The following WDR72 variants were observed in gnomAD, a reference collection of about 807,000 sequenced individuals.
The protein encoded by WDR72 is WD repeat-containing protein 72.
A neutral mutation model predicts 124.2 loss-of-function variants in WDR72; 120 were observed. That is an observed-to-expected ratio of 0.97 (90% CI 0.83 to 1.12). The LOEUF is 1.12. Ranked by LOEUF, WDR72 falls within the 50% of genes most tolerant of loss-of-function variation. WDR72 has a pLI of 0.00. For missense variants in WDR72, 1,387 were observed against 1,278.8 expected (o/e 1.08, Z -1.29); for synonymous variants, 452 against 441.7 (o/e 1.02, Z -0.29).
intron 18 of WDR72, among the ~76,000 whole-genome samples, chr15:53,558,109 C>T (rs1308946752): frequency 6.6e-6 from 1 of 152,004 alleles, no homozygotes; most frequent in Non-Finnish European, 1.5e-5. Flanking sequence ...CAGACATTGA[C>T]TGACACAGCT....
intron 18 of WDR72, among the ~76,000 whole-genome samples, chr15:53,540,430 G>A (rs994033969): frequency 1.2e-4 from 18 of 152,090 alleles, no homozygotes; most frequent in Non-Finnish European, 2.2e-4. Flanking sequence ...AATAAGGCTA[G>A]AAATTAGATC....
At chr15:53,700,046 AGCCCC>A (rs2017124004) in intron 12 of WDR72, 101 bp from the exon 13 acceptor site, 20 of 1,349,598 alleles carry the variant, frequency 1.5e-5, no homozygotes, top group Non-Finnish European at 1.9e-5. Context: ...GTTTTGTTAA[AGCCCC>A]ATTTACAAAA....
intron 16 of WDR72, among the ~76,000 whole-genome samples, chr15:53,613,381 G>T (rs1358821848): frequency 6.6e-6 from 1 of 151,922 alleles, no homozygotes; most frequent in Middle Eastern, 3.4e-3. Flanking sequence ...TTTTATAAAT[G>T]TTCAAATGTT....
intron 14 of WDR72, 74 bp from the exon 15 acceptor site, chr15:53,616,317 G>T: frequency 7.4e-7 from 1 of 1,347,586 alleles, no homozygotes; most frequent in Middle Eastern, 2.2e-4. Context: ...TGTTAAAGTG[G>T]CATTTTTAAA....
At chr15:53,564,027 AG>A (rs1278184593) in intron 18 of WDR72, among the ~76,000 whole-genome samples, 1 of 151,880 alleles carries the variant, frequency 6.6e-6, no homozygotes, top group Non-Finnish European at 1.5e-5. Context: ...GATATTCTTT[AG>A]GATCTTCTGA....
intron 9 of WDR72, among the ~76,000 whole-genome samples, chr15:53,706,391 T>TAC (rs2140534408): frequency 9.1e-6 from 1 of 110,058 alleles, no homozygotes; most frequent in African/African-American, 2.9e-5. Flanking sequence ...TATATATATA[T>TAC]ATATGGCTAT....
intron 2 of WDR72, among the ~76,000 whole-genome samples, chr15:53,723,503 T>C (rs1315490999): frequency 1.3e-5 from 2 of 152,134 alleles, no homozygotes; most frequent in African/African-American, 4.8e-5. Flanking sequence ...CCATGTTCAT[T>C]GTAGCATTAT....
At chr15:53,725,995 C>T (rs2018012954) in intron 2 of WDR72, among the ~76,000 whole-genome samples, 1 of 151,384 alleles carries the variant, frequency 6.6e-6, no homozygotes, top group East Asian at 2.0e-4. Flanking sequence ...TTGCTTGAAT[C>T]TGGGAGGTGG....
chr15:53,575,137 TTAG>T (rs1412018473), intron 18 of WDR72, among the ~76,000 whole-genome samples: 2 of 150,708 alleles, frequency 1.3e-5, no homozygotes, highest in East Asian at 3.9e-4. Flanking sequence ...ATGTAGTAAA[TTAG>T]TAGCTTATTT....
intron 19 of WDR72, among the ~76,000 whole-genome samples, chr15:53,520,111 C>G (rs1481532842): frequency 8.0e-6 from 1 of 125,226 alleles, no homozygotes; most frequent in Non-Finnish European, 1.8e-5. Context: ...AAAATACGTT[C>G]GTATTCACAA....
rs1272052603 is a variant in WDR72 at position 53,515,344 on chromosome 15, T to C, written c.*2355A>G. The stretch of plus-strand genomic sequence containing the variant: ...CAAGTGGTTATGATCACCACGTACG[T>C]GGTCTATCCAGTTAACTGTGTGGCA... On this transcript the variant is annotated 3_prime_UTR_variant, in exon 20 of 20. Transcript: ENST00000360509. 6.6e-6 allele frequency: 1 copy of C among 152,050 alleles called. No individual in the cohort carries two copies. The highest frequency in any genetic ancestry group is 2.4e-5 in the African/African-American group (1 of 41,428). 9.4% of individuals were successfully genotyped at this position (152,050 alleles called of 1,614,324 possible).
chr15:53,625,468 G>C (rs1162619282), intron 14 of WDR72, among the ~76,000 whole-genome samples: 1 of 152,174 alleles, frequency 6.6e-6, no homozygotes, highest in East Asian at 1.9e-4. Context: ...TGGCACTAAA[G>C]AACAATCCAT....
intron 18 of WDR72, among the ~76,000 whole-genome samples, chr15:53,565,463 G>A (rs1459846079): frequency 5.3e-5 from 8 of 151,868 alleles, no homozygotes; most frequent in Admixed American, 5.3e-4. Flanking sequence ...GATGTTAAAT[G>A]CATATGCAAC....
At chr15:53,701,327 C>T (rs1467162118) in intron 12 of WDR72, among the ~76,000 whole-genome samples, 1 of 152,070 alleles carries the variant, frequency 6.6e-6, no homozygotes, top group Non-Finnish European at 1.5e-5. Context: ...AGATTCCTTG[C>T]ACCCAGGAGT....
intron 18 of WDR72, among the ~76,000 whole-genome samples, chr15:53,541,407 T>G (rs555943186): frequency 6.6e-6 from 1 of 151,482 alleles, no homozygotes; most frequent in Non-Finnish European, 1.5e-5. Flanking sequence ...AGGCAAGGTA[T>G]TCCAACAGAC....
intron 18 of WDR72, among the ~76,000 whole-genome samples, chr15:53,593,515 T>C (rs1478269444): frequency 6.6e-6 from 1 of 151,982 alleles, no homozygotes; most frequent in East Asian, 1.9e-4. Flanking sequence ...GCATTTAAGA[T>C]AGCTGGTTTG....
At position 53,653,008 on chromosome 15, in the gene WDR72, A is replaced by T. The variant is rs1031115458; in HGVS notation, c.1962+12564T>A. Among the ~76,000 whole-genome samples, 4 of 142,184 alleles carry T rather than the reference A, an allele frequency of 2.8e-5. No individual in the cohort carries two copies. The Admixed American group carries it at 2.8e-4, about 10-fold the overall frequency. 93.3% of individuals were successfully genotyped at this position (142,184 alleles called of 152,430 possible). ...AACAGCCTCTTTGCTATTATTGACT[A>T]TTTTTTGCTAGGTCACTATCCTCTG... On this transcript the variant is annotated intron_variant, in intron 14 of 19. Coordinates refer to ENST00000360509, the MANE Select transcript of WDR72 (RefSeq NM_182758.4).
intron 14 of WDR72, among the ~76,000 whole-genome samples, chr15:53,616,759 T>C (rs1173244585): frequency 6.6e-6 from 1 of 152,036 alleles, no homozygotes; most frequent in African/African-American, 2.4e-5. Context: ...GCATTTGATT[T>C]TGCCCCAAAG....
intron 17 of WDR72, among the ~76,000 whole-genome samples, chr15:53,599,262 T>TATCCCATATGTATCTCA (rs2012931634): frequency 2.0e-5 from 3 of 152,178 alleles, no homozygotes; most frequent in Non-Finnish European, 4.4e-5. Flanking sequence ...TATTACTTAT[T>TATCCCATATGTATCTCA]CATGATGAAC....
Sources: allele counts gnomAD v4.1 joint callset (sites outside exome capture counted in the v4.1 genomes callset), GRCh38; gene constraint gnomAD v4.1.1; transcripts MANE v1.5; gene names NCBI Gene and HGNC (gene_info 2026-07-23, HGNC 2026-07-21).